Variants in FADS2 observed in about 807,000 individuals in gnomAD.
FADS2 encodes acyl-CoA 6-desaturase.
Under a neutral mutation model 61.2 loss-of-function variants are expected in FADS2, and 18 were observed. The observed-to-expected ratio is 0.29, with a 90% CI of 0.20 to 0.44. The LOEUF is 0.44. FADS2 is among the 20% of genes least tolerant of loss of function. The pLI, the probability that FADS2 is intolerant of heterozygous loss-of-function variation, is 1.00. For synonymous variants in FADS2, 203 were observed against 223.9 expected, an observed-to-expected ratio of 0.91 and a Z score of 0.83; for missense variants, 322 against 572.7, an observed-to-expected ratio of 0.56 and a Z score of 4.47.
intron 9 of FADS2, 121 bp downstream of exon 9, chr11:61,863,499 G>A: frequency 1.2e-6 from 1 of 845,764 alleles, no homozygotes; most frequent in Non-Finnish European, 1.9e-6. Context: ...GTGTCCTTTT[G>A]CTGGGAGCTT....
At chr11:61,837,134 T>A (rs2067180633) in intron 1 of FADS2, among the ~76,000 whole-genome samples, 1 of 152,238 alleles carries the variant, frequency 6.6e-6, no homozygotes, top group Admixed American at 6.5e-5. Flanking sequence ...AAAATGTGTA[T>A]CATTATAGCA....
At chr11:61,840,814 C>T in intron 4 of FADS2, 89 bp downstream of exon 4, 1 of 1,008,904 alleles carries the variant, frequency 9.9e-7, no homozygotes, top group Non-Finnish European at 1.6e-6. Flanking sequence ...TGCTCTGAGG[C>T]TACAGGGTGA....
At chr11:61,831,733 C>G (rs552032198) in intron 1 of FADS2, among the ~76,000 whole-genome samples, 1 of 152,168 alleles carries the variant, frequency 6.6e-6, no homozygotes, top group Admixed American at 6.5e-5. Flanking sequence ...GGTATCAAAC[C>G]TGGCTTAAGT....
chr11:61,856,931 T>A, intron 5 of FADS2, 80 bp from the exon 6 acceptor site: 4 of 1,095,204 alleles, frequency 3.7e-6, no homozygotes, highest in Non-Finnish European at 5.7e-6. Context: ...GAAGGGATGG[T>A]GGCTGCAGGA....
At chr11:61,831,906 C>T (rs762221870) in intron 1 of FADS2, among the ~76,000 whole-genome samples, 7 of 152,214 alleles carry the variant, frequency 4.6e-5, no homozygotes, top group Admixed American at 2.0e-4. Flanking sequence ...GCCCTAAGAG[C>T]GTGTCTGCTC....
chr11:61,850,986 A>G (rs1300399188), intron 5 of FADS2, among the ~76,000 whole-genome samples: 1 of 152,158 alleles, frequency 6.6e-6, no homozygotes, highest in Non-Finnish European at 1.5e-5. Flanking sequence ...ATTTTTCTGT[A>G]ACATGGCCAA....
In FADS2 at chr11:61,863,794, C is replaced by G; in HGVS notation, c.1157+8C>G. On this transcript the variant is annotated splice_region_variant and intron_variant, in intron 10 of 11. Transcript: ENST00000278840. ...CTTCCAGATTGAGCACCAGTGAGCG[C>G]GGGGCTGCGGGGAGGCGGGGAGACC... 6.2e-7 allele frequency: 1 copy of G among 1,611,794 alleles called. No homozygotes were observed. Among genetic ancestry groups the G allele is most frequent in the Non-Finnish European group, 8.5e-7 (1 of 1,177,916 alleles).
chr11:61,853,289 TC>T lies in FADS2; in HGVS notation c.745-3719del, dbSNP rs1259739030. Among the ~76,000 whole-genome samples the T allele has an allele frequency of 1.3e-3, 105 of 82,152 alleles. 4 individuals are homozygous for T. The highest frequency in any genetic ancestry group is 5.9e-3 in the Admixed American group (38 of 6,432). The allele number at this position is 82,152 out of a possible 152,430, so 53.9% of individuals were successfully genotyped here. A position where few individuals can be genotyped will look rare whatever the true frequency, so the allele number is the denominator to read the frequency against. On this transcript the variant is annotated intron_variant, in intron 5 of 11. Coordinates refer to ENST00000278840, the MANE Select transcript of FADS2 (RefSeq NM_004265.4). ...TCCCTCCCTCCCTTCCCTCCCTCCC[TC>T]CCTTCCTTCCTTCCTTCCTTCCTTC... is the stretch of plus-strand genomic sequence containing the variant.
Position 61,858,084 on chromosome 11 carries a change from A to T in FADS2, c.882+554A>T, listed in dbSNP as rs539833380. 1.6e-3 allele frequency among the ~76,000 whole-genome samples: 237 copies of T among 152,186 alleles called. 1 individual carries two copies. Among genetic ancestry groups the T allele is most frequent in the African/African-American group, 5.4e-3 (224 of 41,532 alleles). On this transcript the variant is annotated intron_variant, in intron 7 of 11. Coordinates refer to ENST00000278840, the MANE Select transcript of FADS2 (RefSeq NM_004265.4). ...TGGAAGGCTCTGTTCTGGGCCTCTC[A>T]TCGGCTGGTTGATGGCTTTCGTCCT...
chr11:61,818,764 C>T (rs751384979), intron 1 of FADS2, among the ~76,000 whole-genome samples: 13 of 152,164 alleles, frequency 8.5e-5, no homozygotes, highest in Non-Finnish European at 1.6e-4. Context: ...TTACATAAAC[C>T]ATTTTTCCTA....
At chr11:61,846,838 A>C (rs989166493) in intron 4 of FADS2, 5 of 152,104 alleles carry the variant, frequency 3.3e-5, no homozygotes, top group African/African-American at 7.2e-5. Flanking sequence ...TCATGTTAGC[A>C]GTTGTTTGTT....
At position 61,816,445 on chromosome 11, in the gene FADS2, G is replaced by A. The variant is rs1396170179; in HGVS notation, c.141+19G>A. 3 of 1,599,444 alleles carry A rather than the reference G, an allele frequency of 1.9e-6. No homozygotes were observed. Among genetic ancestry groups the A allele is most frequent in the South Asian group, 1.1e-5 (1 of 91,086 alleles). On this transcript the variant is annotated intron_variant, in intron 1 of 11. Coordinates refer to the FADS2 transcript ENST00000257261. This position sits in a 1 kb window ranked among gnomAD's most constrained non-coding sequence, Gnocchi z 7.0. Reference sequence around the variant, plus strand: ...GCAACAGGTATGATCAGGCGCCTCCGGGCTTTCCTCCGAATTAGTCGGTGT... The same window carrying A: ...GCAACAGGTATGATCAGGCGCCTCCAGGCTTTCCTCCGAATTAGTCGGTGT...
At position 61,833,788 on chromosome 11, in the gene FADS2, C is replaced by T. The variant is rs139836583; in HGVS notation, c.208-3990C>T. The stretch of plus-strand genomic sequence containing the variant: ...GAGGCAGAAGCCAAGTTGTGTGAAA[C>T]GCGGAAGAGGACAAGTGTCTGGTCA... On this transcript the variant is annotated intron_variant, in intron 1 of 11. Coordinates refer to ENST00000278840, the MANE Select transcript of FADS2 (RefSeq NM_004265.4). Among the ~76,000 whole-genome samples, 350 of 152,296 alleles carry T rather than the reference C, an allele frequency of 2.3e-3. 1 individual carries two copies. Among genetic ancestry groups the T allele is most frequent in the Non-Finnish European group, 3.1e-3 (214 of 68,030 alleles).
In FADS2 at chr11:61,865,761, G is replaced by A; in HGVS notation, c.*72G>A. On this transcript the variant is annotated 3_prime_UTR_variant, in exon 12 of 12. Transcript: ENST00000278840. This position sits in a 1 kb window ranked among gnomAD's most constrained non-coding sequence, Gnocchi z 4.1. Reference sequence around the variant, plus strand: ...ATGGCCAGAGGAATGATGGGCTTTTGTTCTGAGGGGTGTCCGAGAGGCTGG... The same window carrying A: ...ATGGCCAGAGGAATGATGGGCTTTTATTCTGAGGGGTGTCCGAGAGGCTGG... 1 of 1,324,020 alleles carries A rather than the reference G, an allele frequency of 7.6e-7. No homozygotes were observed. Among genetic ancestry groups the A allele is most frequent in the East Asian group, 2.5e-5 (1 of 40,760 alleles). The allele number at this position is 1,324,020 out of a possible 1,614,324, so 82.0% of individuals were successfully genotyped here.
Position 61,865,970 on chromosome 11 carries a change from C to T in FADS2, c.*281C>T, listed in dbSNP as rs558481086. 11 of 505,578 alleles carry T rather than the reference C, an allele frequency of 2.2e-5. No homozygotes were observed. The highest frequency in any genetic ancestry group is 3.7e-5 in the South Asian group (1 of 27,392). 31.3% of individuals were successfully genotyped at this position (505,578 alleles called of 1,614,324 possible). Reference sequence around the variant, plus strand: ...TTCCAAGGAGCAGAGAGGTGGCCACCGGGGGTGGCTCTGTCCTACCTCCAC... The same window carrying T: ...TTCCAAGGAGCAGAGAGGTGGCCACTGGGGGTGGCTCTGTCCTACCTCCAC... On this transcript the variant is annotated 3_prime_UTR_variant, in exon 12 of 12. Coordinates refer to ENST00000278840, the MANE Select transcript of FADS2 (RefSeq NM_004265.4). The surrounding 1 kb of genome is among the most constrained non-coding windows in gnomAD (Gnocchi z 4.1).
rs187345079 is a variant in FADS2 at position 61,856,706 on chromosome 11, G to T, written c.745-305G>T. 7 of 392,706 alleles carry T rather than the reference G, an allele frequency of 1.8e-5. No homozygotes were observed. The Admixed American group carries it at 2.9e-4, about 16-fold the overall frequency. 24.3% of individuals were successfully genotyped at this position (392,706 alleles called of 1,614,324 possible). On this transcript the variant is annotated intron_variant, in intron 5 of 11. Coordinates refer to ENST00000278840, the MANE Select transcript of FADS2 (RefSeq NM_004265.4). ...ATCCCAGTCAGGGCCACTTCCTGTGGCCTTGGGCCATGGCTTAACGCTGAG... is the reference window on the plus strand; with the variant it reads ...ATCCCAGTCAGGGCCACTTCCTGTGTCCTTGGGCCATGGCTTAACGCTGAG...
intron 1 of FADS2, among the ~76,000 whole-genome samples, chr11:61,822,098 T>C (rs1018770711): frequency 6.6e-6 from 1 of 152,062 alleles, no homozygotes; most frequent in African/African-American, 2.4e-5. Context: ...GCCTCCTGAG[T>C]AGCTGGGACT....
chr11:61,866,294 G>C lies in FADS2; in HGVS notation c.*605G>C. ...CTCTCTTAAGATGTCCAGGGCCCCA[G>C]GCCCGCGGGCACAGCCAGCCCAAAC... On this transcript the variant is annotated 3_prime_UTR_variant, in exon 12 of 12. Coordinates refer to ENST00000278840, the MANE Select transcript of FADS2 (RefSeq NM_004265.4). 3.4e-6 allele frequency: 1 copy of C among 296,710 alleles called. No homozygotes were observed. The highest frequency in any genetic ancestry group is 6.2e-6 in the Non-Finnish European group (1 of 161,934). 18.4% of individuals were successfully genotyped at this position (296,710 alleles called of 1,614,324 possible). A position where few individuals can be genotyped will look rare whatever the true frequency, so the allele number is the denominator to read the frequency against.
chr11:61,863,905 G>A lies in FADS2; in HGVS notation c.1157+119G>A, dbSNP rs112425493. The A allele has an allele frequency of 9.6e-3, 7,997 of 829,748 alleles. 238 individuals carry two copies. The highest frequency in any genetic ancestry group is 0.052 in the East Asian group (1,998 of 38,700). 51.4% of individuals were successfully genotyped at this position (829,748 alleles called of 1,614,324 possible). On this transcript the variant is annotated intron_variant, in intron 10 of 11. Transcript: ENST00000278840. ...TCTTTGTCTCTCTGACAAGGTCTCT[G>A]CCCAATATAGAGCAAGGCTCCCAGC...
Sources: allele counts gnomAD v4.1 joint callset (sites outside exome capture counted in the v4.1 genomes callset), GRCh38; gene constraint gnomAD v4.1.1; non-coding constraint Gnocchi (gnomAD v3.1); transcripts MANE v1.5; gene names NCBI Gene and HGNC (gene_info 2026-07-23, HGNC 2026-07-21).